MRPL42: variants seen among roughly 807,000 people sequenced by gnomAD.
MRPL42 encodes the protein large ribosomal subunit protein mL42.
MRPL42 carries 17 observed loss-of-function variants against 17.9 expected under a neutral mutation model. That is an observed-to-expected ratio of 0.95 (90% confidence interval 0.65 to 1.42). The LOEUF (loss-of-function observed/expected upper bound fraction) is 1.42. Ranked by LOEUF, MRPL42 falls within the 40% of genes most tolerant of loss-of-function variation. The pLI is 0.00. For missense variants in MRPL42, 177 were observed against 175.2 expected (o/e 1.01, Z -0.06); for synonymous variants, 59 against 54.4 (o/e 1.08, Z -0.37).
At chr12:93,481,506 A>C (rs1318192994) in intron 4 of MRPL42, among the ~76,000 whole-genome samples, 1 of 152,094 alleles carries the variant, frequency 6.6e-6, no homozygotes, top group Non-Finnish European at 1.5e-5. Flanking sequence ...TTATCTACCA[A>C]CTGCCAGGTT....
In MRPL42 at chr12:93,504,098, C is replaced by T. The variant is rs552327724; in HGVS notation, c.*2877C>T. ...AGTGCAATCGTTGAATCACCATGTC[C>T]GGCATCCATGTTTATGTACATTTTT... On this transcript the variant is annotated 3_prime_UTR_variant, in exon 6 of 6. Coordinates refer to ENST00000549982, the MANE Select transcript of MRPL42 (RefSeq NM_014050.4). 9 of 153,344 alleles carry T rather than the reference C, an allele frequency of 5.9e-5. No homozygotes were observed. Among genetic ancestry groups the T allele is most frequent in the African/African-American group, 1.9e-4 (8 of 41,298 alleles). The allele number at this position is 153,344 out of a possible 1,614,324, so 9.5% of individuals were successfully genotyped here. A position where few individuals can be genotyped will look rare whatever the true frequency, so the allele number is the denominator to read the frequency against.
intron 5 of MRPL42, among the ~76,000 whole-genome samples, chr12:93,491,372 A>G (rs561831277): frequency 1.3e-5 from 2 of 152,320 alleles, no homozygotes; most frequent in South Asian, 4.1e-4. Flanking sequence ...CTTATTGGCC[A>G]TTCATATGTT....
chr12:93,482,118 T>C (rs10859497), intron 4 of MRPL42, among the ~76,000 whole-genome samples: 101,785 of 151,948 alleles, frequency 0.67, 34,341 homozygotes, highest in Middle Eastern at 0.72. Context: ...TGACCACAAC[T>C]CCAGCTGTTC....
rs1288565535 is a variant in MRPL42, at chr12:93,479,386, A to G, written c.135-2A>G. 1 of 1,585,954 alleles carries G rather than the reference A, an allele frequency of 6.3e-7. No homozygotes were observed. The highest frequency in any genetic ancestry group is 1.8e-5 in the Admixed American group (1 of 56,542). ...TTATTTCTAAAACATTCTTTTTTTT[A>G]GCAACGTAGAGCTTGCTCTGACTTC... On this transcript the variant is annotated splice_acceptor_variant, in intron 3 of 5. Coordinates refer to ENST00000549982, the MANE Select transcript of MRPL42 (RefSeq NM_014050.4). LOFTEE classifies it high-confidence loss of function.
intron 5 of MRPL42, among the ~76,000 whole-genome samples, chr12:93,495,522 C>A (rs599371): frequency 2.0e-5 from 3 of 152,068 alleles, no homozygotes; most frequent in Non-Finnish European, 4.4e-5. Context: ...AGCTTGTAAT[C>A]CTGGCCCACA....
At chr12:93,472,164 A>T (rs1048757640) in intron 2 of MRPL42, among the ~76,000 whole-genome samples, 1 of 152,186 alleles carries the variant, frequency 6.6e-6, no homozygotes, top group Non-Finnish European at 1.5e-5. Context: ...GTTAACTCTC[A>T]AAATATCTAG....
rs2121292667 is a variant in MRPL42, at chr12:93,505,036, T to C, written c.*3815T>C. 1 of 152,320 alleles carries C rather than the reference T, an allele frequency of 6.6e-6. No homozygotes were observed. Among genetic ancestry groups the C allele is most frequent in the East Asian group, 1.9e-4 (1 of 5,192 alleles). The allele number at this position is 152,320 out of a possible 1,614,324, so 9.4% of individuals were successfully genotyped here. ...ATGAATGGGATTTGGGGTAGGGGCA[T>C]CTATGAAATTCCTGAAATTGTGTAG... On this transcript the variant is annotated 3_prime_UTR_variant, in exon 6 of 6. Coordinates refer to ENST00000549982, the MANE Select transcript of MRPL42 (RefSeq NM_014050.4).
chr12:93,492,078 A>G (rs2121252244), intron 5 of MRPL42, among the ~76,000 whole-genome samples: 1 of 152,352 alleles, frequency 6.6e-6, no homozygotes, highest in East Asian at 1.9e-4. Context: ...TACAGTGAAC[A>G]TACAATTACA....
chr12:93,515,632 G>A lies in MRPL42; in HGVS notation c.*14411G>A, dbSNP rs2121313831. 1 of 152,334 alleles carries A rather than the reference G, an allele frequency of 6.6e-6. No individual in the cohort carries two copies. The highest frequency in any genetic ancestry group is 1.5e-5 in the Non-Finnish European group (1 of 68,060). The allele number at this position is 152,334 out of a possible 1,614,324, so 9.4% of individuals were successfully genotyped here. A position where few individuals can be genotyped will look rare whatever the true frequency, so the allele number is the denominator to read the frequency against. On this transcript the variant is annotated 3_prime_UTR_variant, in exon 6 of 6. Transcript: ENST00000549982. The stretch of plus-strand genomic sequence containing the variant: ...GATTCGCCCGCGTCGGCCTCCCAAA[G>A]GGCTGGGATTACAGACATCAGCCAC...
chr12:93,485,409 T>A (rs1041320960), intron 4 of MRPL42, among the ~76,000 whole-genome samples: 2 of 151,878 alleles, frequency 1.3e-5, no homozygotes, highest in Non-Finnish European at 2.9e-5. Flanking sequence ...CCCAAAGTGC[T>A]AGGATTAACA....
Position 93,504,660 on chromosome 12 carries a change from T to C in MRPL42, c.*3439T>C, listed in dbSNP as rs1953647658. On this transcript the variant is annotated 3_prime_UTR_variant, in exon 6 of 6. Coordinates refer to ENST00000549982, the MANE Select transcript of MRPL42 (RefSeq NM_014050.4). ...AGGCCTTATTATGGGCTTATTTCCT[T>C]TGCAGCCCTTTACCATAATGTGTTT... is the stretch of plus-strand genomic sequence containing the variant. 1 of 152,190 alleles carries C rather than the reference T, an allele frequency of 6.6e-6. No homozygotes were observed. Among genetic ancestry groups the C allele is most frequent in the South Asian group, 2.1e-4 (1 of 4,834 alleles). 9.4% of individuals were successfully genotyped at this position (152,190 alleles called of 1,614,324 possible).
chr12:93,470,479 AT>A, intron 2 of MRPL42: 1 of 1,279,946 alleles, frequency 7.8e-7, no homozygotes, highest in Non-Finnish European at 1.0e-6. Flanking sequence ...TTTATTTTTT[AT>A]TTTAGATTCG....
intron 4 of MRPL42, among the ~76,000 whole-genome samples, chr12:93,482,767 G>T (rs1235385965): frequency 6.6e-6 from 1 of 152,058 alleles, no homozygotes; most frequent in Non-Finnish European, 1.5e-5. Flanking sequence ...TTAAATTTTT[G>T]TAGAGACAGG....
chr12:93,485,187 G>T (rs1477633783), intron 4 of MRPL42, among the ~76,000 whole-genome samples: 2 of 140,692 alleles, frequency 1.4e-5, no homozygotes, highest in Non-Finnish European at 3.1e-5. Context: ...AATTGACACA[G>T]GGTCTGTCTG....
At chr12:93,487,458 C>G (rs370958749) in intron 4 of MRPL42, 39 bp from the exon 5 acceptor site, 3 of 1,558,782 alleles carry the variant, frequency 1.9e-6, no homozygotes, top group African/African-American at 2.7e-5. Flanking sequence ...GGCTAACATT[C>G]CCACATCTTC....
At chr12:93,476,822 C>T in intron 2 of MRPL42, 132 bp from the exon 3 acceptor site, 1 of 763,864 alleles carries the variant, frequency 1.3e-6, no homozygotes, top group Non-Finnish European at 2.2e-6. Context: ...GTTGTTGAAT[C>T]CCTAGCCCCT....
chr12:93,469,573 G>C (rs1879801719), intron 2 of MRPL42, among the ~76,000 whole-genome samples: 1 of 151,870 alleles, frequency 6.6e-6, no homozygotes, highest in Admixed American at 6.6e-5. Flanking sequence ...GAGGTGGGAG[G>C]ATTGCTTGAG....
In MRPL42 at chr12:93,513,516, T is replaced by C. The variant is rs886514677; in HGVS notation, c.*12295T>C. ...AACTTTTGAATATTAATATGCATTG[T>C]GTTTATTCAAAGTATATCTAATGGT... On this transcript the variant is annotated 3_prime_UTR_variant, in exon 6 of 6. Coordinates refer to ENST00000549982, the MANE Select transcript of MRPL42 (RefSeq NM_014050.4). 2.0e-5 allele frequency: 3 copies of C among 152,138 alleles called. No individual in the cohort carries two copies. Among genetic ancestry groups the C allele is most frequent in the Non-Finnish European group, 4.4e-5 (3 of 68,028 alleles). The allele number at this position is 152,138 out of a possible 1,614,324, so 9.4% of individuals were successfully genotyped here.
chr12:93,481,150 C>T (rs1375303324), intron 4 of MRPL42, among the ~76,000 whole-genome samples: 1 of 152,194 alleles, frequency 6.6e-6, no homozygotes, highest in Non-Finnish European at 1.5e-5. Flanking sequence ...CTTTATATCT[C>T]TGAATCTGAC....
Sources: allele counts gnomAD v4.1 joint callset (sites outside exome capture counted in the v4.1 genomes callset), GRCh38; gene constraint gnomAD v4.1.1; transcripts MANE v1.5; gene names NCBI Gene and HGNC (gene_info 2026-07-23, HGNC 2026-07-21).